The following CFAP47 variants were observed in gnomAD, a reference collection of about 807,000 sequenced individuals.
CFAP47 encodes cilia and flagella associated protein 47, also known as cilia- and flagella-associated protein 47.
CFAP47 carries 29 observed loss-of-function variants against 148.1 expected under a neutral mutation model. The ratio of observed to expected loss-of-function variants is 0.20; its 90% CI spans 0.15 to 0.27. CFAP47 has a LOEUF of 0.27. Among genes scored for constraint, CFAP47 ranks in the 10% least tolerant of loss-of-function variants. CFAP47 has a pLI of 1.00. For synonymous variants in CFAP47, 664 were observed against 577.3 expected, an observed-to-expected ratio of 1.15 and a Z score of -2.15; for missense variants, 1,872 against 1,697.5, an observed-to-expected ratio of 1.10 and a Z score of -1.81.
At chrX:36,163,613 A>G (rs1033349953) in intron 39 of CFAP47, among the ~76,000 whole-genome samples, 1 of 110,947 alleles carries the variant, frequency 9.0e-6, no homozygotes, top group African/African-American at 3.3e-5. Flanking sequence ...ATCTTAAATT[A>G]TTATTATTAC....
intron 15 of CFAP47, among the ~76,000 whole-genome samples, chrX:35,981,839 C>T (rs993730806): frequency 4.5e-5 from 5 of 111,704 alleles, no homozygotes; most frequent in Non-Finnish European, 7.5e-5. Context: ...TCAAGGTTGC[C>T]GCAAAGGCCA....
At position 36,350,094 on chromosome X, in the gene CFAP47, T is replaced by C; in HGVS notation, c.8660T>C (p.Val2887Ala). ...GCAATACACTGGATATACCCTATTG[T>C]TGGACTCCCACAAGCACCACCTCCT... ...IQAIHWIYPI[V>A]GLPQAPPPKS... Residue 2887 changes from valine (V) to alanine (A), a missense_variant, in exon 59 of 64, where the codon GTT becomes GCT. Coordinates refer to ENST00000378653, the MANE Select transcript of CFAP47 (RefSeq NM_001304548.2). 1 of 1,161,573 alleles carries C rather than the reference T, an allele frequency of 8.6e-7. No homozygotes were observed. The highest frequency in any genetic ancestry group is 1.2e-6 in the Non-Finnish European group (1 of 867,718).
At chrX:36,006,865 T>A (rs776053840) in intron 21 of CFAP47, among the ~76,000 whole-genome samples, 113 of 112,306 alleles carry the variant, frequency 1.0e-3, no homozygotes, top group African/African-American at 3.6e-3. Flanking sequence ...GAATTAAAGC[T>A]TAAATTTATT....
At chrX:35,955,197 C>T (rs779786009) in intron 7 of CFAP47, among the ~76,000 whole-genome samples, 3 of 111,834 alleles carry the variant, frequency 2.7e-5, no homozygotes, top group Non-Finnish European at 5.7e-5. Flanking sequence ...TAACATGTCC[C>T]AAACAGAACT....
chrX:36,259,016 A>G (rs782556578), intron 49 of CFAP47, among the ~76,000 whole-genome samples: 9 of 111,577 alleles, frequency 8.1e-5, no homozygotes, highest in Non-Finnish European at 1.5e-4. Context: ...TTTGTTTGTG[A>G]AATATAGATA....
intron 48 of CFAP47, among the ~76,000 whole-genome samples, chrX:36,239,981 G>A (rs5972032): frequency 0.21 from 23,781 of 111,113 alleles, 4,455 homozygotes; most frequent in African/African-American, 0.62. Context: ...GAAACCTGTG[G>A]CAAATTACTG....
intron 15 of CFAP47, among the ~76,000 whole-genome samples, chrX:35,981,958 C>A (rs144029284): frequency 0.01 from 1,145 of 111,357 alleles, 6 homozygotes; most frequent in Non-Finnish European, 0.016. Flanking sequence ...CATGTGTTTG[C>A]TATGGTTAAT....
intron 45 of CFAP47, among the ~76,000 whole-genome samples, chrX:36,223,903 G>A (rs1555991142): frequency 9.0e-6 from 1 of 111,353 alleles, no homozygotes; most frequent in Non-Finnish European, 1.9e-5. Flanking sequence ...GGACGTGTGG[G>A]TTGAAAAACT....
chrX:36,225,801 C>T (rs1182995600), intron 45 of CFAP47, among the ~76,000 whole-genome samples: 1 of 110,981 alleles, frequency 9.0e-6, no homozygotes, highest in Non-Finnish European at 1.9e-5. Context: ...AGGACAGGAA[C>T]CTCTCTATCC....
chrX:35,959,536 C>T (rs377708692), intron 8 of CFAP47, among the ~76,000 whole-genome samples: 1 of 111,685 alleles, frequency 9.0e-6, no homozygotes, highest in Non-Finnish European at 1.9e-5. Flanking sequence ...TGGTCGGGCG[C>T]GGTGGCTCAC....
At position 36,298,988 on chromosome X, in the gene CFAP47, C is replaced by T. The variant is rs190079869; in HGVS notation, c.7698C>T (p.Cys2566=). 57 of 1,146,543 alleles carry T rather than the reference C, an allele frequency of 5.0e-5. No individual in the cohort carries two copies. The highest frequency in any genetic ancestry group is 6.4e-5 in the Non-Finnish European group (55 of 856,848). 94.5% of individuals were successfully genotyped at this position (1,146,543 alleles called of 1,213,427 possible). A position where few individuals can be genotyped will look rare whatever the true frequency, so the allele number is the denominator to read the frequency against. ...EMTCIALDST[C]IEIPLSNPKD... ...TTGTATAATTCTAGGACAGCACTTG[C>T]ATTGAAATACCTCTCTCTAATCCAA... The change falls in exon 52 of 64, where the codon TGC becomes TGT. Residue 2566 remains cysteine (C), a synonymous_variant. Transcript: ENST00000378653.
At chrX:36,368,373 C>A (rs782392515) in intron 62 of CFAP47, among the ~76,000 whole-genome samples, 39 of 111,457 alleles carry the variant, frequency 3.5e-4, no homozygotes, top group Non-Finnish European at 5.3e-4. Flanking sequence ...CTGAAGGTTG[C>A]TTGAGGTTTT....
chrX:36,264,383 AAC>A (rs1940866260), intron 49 of CFAP47, among the ~76,000 whole-genome samples: 1 of 111,741 alleles, frequency 8.9e-6, no homozygotes, highest in Non-Finnish European at 1.9e-5. Flanking sequence ...TTATAGACCC[AAC>A]ACAGTTTATC....
Position 36,303,922 on chromosome X carries a change from C to A in CFAP47, c.8044C>A (p.Pro2682Thr). ...AAAATTGCAAGTAACAAACAGTAAT[C>A]CTGAAAATTTTGTCCTGGATATTAA... ...TLKLQVTNSN[P>T]ENFVLDINRK... The change falls in exon 54 of 64, where the codon CCT becomes ACT. Residue 2682 changes from proline to threonine, a missense_variant. Coordinates refer to ENST00000378653, the MANE Select transcript of CFAP47 (RefSeq NM_001304548.2). 5 of 1,137,114 alleles carry A rather than the reference C, an allele frequency of 4.4e-6. No homozygotes were observed. The highest frequency in any genetic ancestry group is 5.9e-6 in the Non-Finnish European group (5 of 850,831). 93.7% of individuals were successfully genotyped at this position (1,137,114 alleles called of 1,213,427 possible).
intron 39 of CFAP47, among the ~76,000 whole-genome samples, chrX:36,166,805 A>G (rs777515473): frequency 1.8e-5 from 2 of 111,006 alleles, no homozygotes; most frequent in East Asian, 2.9e-4. Context: ...GGTGATGTCT[A>G]TCTCCCCCTG....
intron 42 of CFAP47, 112 bp downstream of exon 42, chrX:36,190,308 G>T: frequency 3.4e-6 from 1 of 289,893 alleles, no homozygotes; most frequent in Non-Finnish European, 6.1e-6. Flanking sequence ...GATGATTTCA[G>T]CTCTCAAGTT....
intron 45 of CFAP47, among the ~76,000 whole-genome samples, chrX:36,221,019 A>C (rs1940207850): frequency 8.9e-6 from 1 of 111,767 alleles, no homozygotes; most frequent in Non-Finnish European, 1.9e-5. Context: ...TTGTAATTTA[A>C]CAATGAACTT....
chrX:36,317,869 TG>T (rs1202579892), intron 56 of CFAP47, among the ~76,000 whole-genome samples: 21 of 111,832 alleles, frequency 1.9e-4, no homozygotes, highest in Non-Finnish European at 3.8e-4. Context: ...ATTTTTGAAG[TG>T]AGTAATCTGA....
At chrX:36,348,642 A>C (rs1556016971) in intron 58 of CFAP47, among the ~76,000 whole-genome samples, 1 of 111,020 alleles carries the variant, frequency 9.0e-6, no homozygotes. Context: ...AATAATCAGT[A>C]TACAGAGGAC....
Sources: gnomAD v4.1 joint callset for allele counts (sites outside exome capture counted in the v4.1 genomes callset) on GRCh38, gnomAD v4.1.1 for gene constraint, MANE v1.5 for transcripts, NCBI Gene and HGNC (gene_info 2026-07-23, HGNC 2026-07-21) for gene names.